FGD4: variants seen among roughly 807,000 people sequenced by gnomAD.
The protein encoded by FGD4 is FYVE, RhoGEF and PH domain-containing protein 4.
FGD4 carries 42 observed loss-of-function variants against 102.0 expected under a neutral mutation model. That is an observed-to-expected ratio of 0.41 (90% CI 0.32 to 0.53). FGD4 has a LOEUF of 0.53. FGD4 is among the 20% of genes least tolerant of loss of function. FGD4 has a pLI of 0.21. For synonymous variants in FGD4, 380 were observed against 375.7 expected (o/e 1.01, Z -0.13); for missense variants, 902 against 1,078.2 (o/e 0.84, Z 2.29).
At chr12:32,576,220 T>C (rs1176719351) in intron 2 of FGD4, 46 bp from the exon 3 acceptor site, 1 of 1,537,398 alleles carries the variant, frequency 6.5e-7, no homozygotes, top group Admixed American at 2.0e-5. Context: ...TTATTGTTAT[T>C]GAACAAAATA....
At position 32,602,327 on chromosome 12, in the gene FGD4, C is replaced by T. The variant is rs374656859; in HGVS notation, c.1404+10C>T. The T allele has an allele frequency of 2.0e-5, 32 of 1,613,806 alleles. No homozygotes were observed. In the African/African-American group the frequency reaches 2.8e-4, roughly 14 times the overall value. ...GGTTGAAGAAATTCAGGTAATAGGA[C>T]TGTTTTGTTCAAAGCTATGAATTAC... is the stretch of plus-strand genomic sequence containing the variant. On this transcript the variant is annotated intron_variant, in intron 7 of 16. Transcript: ENST00000534526.
In FGD4 at chr12:32,399,857, T is replaced by C; in HGVS notation, c.64T>C (p.Tyr22His). Residue 22 changes from tyrosine (Y) to histidine (H), a missense_variant, in exon 1 of 17, where the codon TAC (tyrosine) becomes CAC (histidine). Physicochemically the swap from Tyr to His is moderately conservative, Grantham distance 83. Transcript: ENST00000534526. Reference sequence around the variant, plus strand: ...GATCCGGCGGAAGTCCAACCCCTCCTACCTGCCGCCCGGGGTGCCCCGGCC... The same window carrying C: ...GATCCGGCGGAAGTCCAACCCCTCCCACCTGCCGCCCGGGGTGCCCCGGCC... ...VAIRRKSNPS[Y>H]LPPGVPRPWS... The C allele has an allele frequency of 1.3e-6, 2 of 1,531,192 alleles. No homozygotes were observed. The highest frequency in any genetic ancestry group is 1.7e-6 in the Non-Finnish European group (2 of 1,145,180). The allele number at this position is 1,531,192 out of a possible 1,614,324, so 94.9% of individuals were successfully genotyped here.
chr12:32,488,606 A>G (rs1169078769), intron 1 of FGD4, among the ~76,000 whole-genome samples: 2 of 152,168 alleles, frequency 1.3e-5, no homozygotes, highest in East Asian at 3.9e-4. Context: ...TTAAAAATAC[A>G]TTATCTGATT....
chr12:32,403,789 G>T (rs902638309), intron 1 of FGD4, among the ~76,000 whole-genome samples: 1 of 151,952 alleles, frequency 6.6e-6, no homozygotes, highest in Non-Finnish European at 1.5e-5. Flanking sequence ...TAGAGACGGG[G>T]TTTCACCTTG....
chr12:32,401,209 G>A (rs181169120), intron 1 of FGD4, among the ~76,000 whole-genome samples: 6 of 152,202 alleles, frequency 3.9e-5, no homozygotes, highest in African/African-American at 1.4e-4. Context: ...GTTATTTAAT[G>A]TACAGAATTT....
intron 1 of FGD4, among the ~76,000 whole-genome samples, chr12:32,500,392 T>TTTTATTTTTATTTTATTTTATTTTA (rs1379808269): frequency 9.6e-5 from 13 of 135,272 alleles, no homozygotes; most frequent in African/African-American, 2.8e-4. Context: ...TTTTATTTTA[T>TTTTATTTTTATTTTATTTTATTTTA]TTTTATTTTA....
chr12:32,563,350 C>T (rs1347067609), intron 1 of FGD4, among the ~76,000 whole-genome samples: 1 of 151,570 alleles, frequency 6.6e-6, no homozygotes, highest in Non-Finnish European at 1.5e-5. Flanking sequence ...GGGCGCTCCT[C>T]ACATCCCAGA....
At chr12:32,606,453 T>C (rs964551540) in intron 7 of FGD4, among the ~76,000 whole-genome samples, 9 of 145,104 alleles carry the variant, frequency 6.2e-5, no homozygotes, top group Admixed American at 3.6e-4. Context: ...TCTTCTATTT[T>C]CCTCTACTTA....
At chr12:32,555,777 A>C (rs1592204029) in intron 1 of FGD4, among the ~76,000 whole-genome samples, 1 of 151,680 alleles carries the variant, frequency 6.6e-6, no homozygotes, top group African/African-American at 2.4e-5. Context: ...TCACCGTGTT[A>C]GCCAGGATGG....
intron 2 of FGD4, among the ~76,000 whole-genome samples, chr12:32,569,619 G>GATA (rs1214530231): frequency 9.2e-5 from 14 of 152,184 alleles, no homozygotes; most frequent in Admixed American, 9.2e-4. Context: ...CACCCTGGAT[G>GATA]GTATTTATCT....
chr12:32,638,848 A>G, intron 16 of FGD4, 53 bp downstream of exon 16: 4 of 1,612,774 alleles, frequency 2.5e-6, no homozygotes, highest in Middle Eastern at 1.7e-4. Flanking sequence ...GGCAAGGGGA[A>G]GCGAGTGGAC....
intron 1 of FGD4, among the ~76,000 whole-genome samples, chr12:32,419,617 G>A (rs907916290): frequency 6.6e-6 from 1 of 152,148 alleles, no homozygotes; most frequent in Non-Finnish European, 1.5e-5. Context: ...CTGGCTCTGG[G>A]CCCAGCTTAG....
intron 1 of FGD4, among the ~76,000 whole-genome samples, chr12:32,448,542 A>G (rs1273982053): frequency 6.6e-6 from 1 of 152,060 alleles, no homozygotes; most frequent in Admixed American, 6.6e-5. Flanking sequence ...CTGTAATCCC[A>G]GCTACTTGGG....
intron 10 of FGD4, among the ~76,000 whole-genome samples, chr12:32,613,582 C>T (rs1949278477): frequency 6.6e-6 from 1 of 151,966 alleles, no homozygotes; most frequent in Non-Finnish European, 1.5e-5. Flanking sequence ...CAGAGACCTC[C>T]CTGTCTCTAC....
chr12:32,553,392 A>T (rs1765555150), intron 1 of FGD4, among the ~76,000 whole-genome samples: 1 of 152,222 alleles, frequency 6.6e-6, no homozygotes, highest in Non-Finnish European at 1.5e-5. Context: ...CAGGGTAGCA[A>T]ACAAAAGGCA....
chr12:32,409,674 C>T (rs530305864), intron 1 of FGD4, among the ~76,000 whole-genome samples: 1 of 152,116 alleles, frequency 6.6e-6, no homozygotes, highest in Non-Finnish European at 1.5e-5. Flanking sequence ...CTGCCTGTTA[C>T]TGATGTCTGT....
At chr12:32,472,857 C>T (rs1169827864) in intron 1 of FGD4, among the ~76,000 whole-genome samples, 2 of 152,186 alleles carry the variant, frequency 1.3e-5, no homozygotes, top group Admixed American at 6.5e-5. Flanking sequence ...GTGCACCAAT[C>T]GACACTGTAT....
chr12:32,455,194 G>C (rs1027144229), intron 1 of FGD4, among the ~76,000 whole-genome samples: 1 of 152,180 alleles, frequency 6.6e-6, no homozygotes, highest in Non-Finnish European at 1.5e-5. Context: ...CAATAACATT[G>C]TGAATGAGGA....
At chr12:32,449,190 C>G (rs932746388) in intron 1 of FGD4, among the ~76,000 whole-genome samples, 3 of 152,076 alleles carry the variant, frequency 2.0e-5, no homozygotes, top group Admixed American at 1.3e-4. Context: ...TATTTAGTGC[C>G]TTTGTTTTTT....
Sources: allele counts gnomAD v4.1 joint callset (sites outside exome capture counted in the v4.1 genomes callset), GRCh38; gene constraint gnomAD v4.1.1; transcripts MANE v1.5; gene names NCBI Gene and HGNC (gene_info 2026-07-23, HGNC 2026-07-21).